SAMD3: variants seen among roughly 807,000 people sequenced by gnomAD.
SAMD3 encodes sterile alpha motif domain containing 3.
A neutral mutation model predicts 58.5 loss-of-function variants in SAMD3; 63 were observed. That is an observed-to-expected ratio of 1.08 (90% CI 0.88 to 1.33). The LOEUF is 1.33. Among genes scored for constraint, SAMD3 ranks in the 40% most tolerant of loss-of-function variants. The pLI, the probability that SAMD3 is intolerant of heterozygous loss-of-function variation, is 0.00. For missense variants in SAMD3, 604 were observed against 608.4 expected (o/e 0.99, Z 0.08); for synonymous variants, 220 against 210.3 (o/e 1.05, Z -0.40).
chr6:130,269,276 C>A (rs6907836), intron 2 of SAMD3, among the ~76,000 whole-genome samples: 47,256 of 151,966 alleles, frequency 0.31, 7,721 homozygotes, highest in East Asian at 0.47. Context: ...TATTCATGGG[C>A]ATATTTCTAG....
At chr6:130,301,068 C>A (rs896589046) in intron 2 of SAMD3, among the ~76,000 whole-genome samples, 2 of 152,062 alleles carry the variant, frequency 1.3e-5, no homozygotes, top group African/African-American at 4.8e-5. Flanking sequence ...GAACATGCGG[C>A]GTTTGGTTTT....
chr6:130,210,467 C>T (rs1795442202), intron 4 of SAMD3, among the ~76,000 whole-genome samples: 2 of 152,058 alleles, frequency 1.3e-5, no homozygotes, highest in South Asian at 4.2e-4. Flanking sequence ...GACATGGTGG[C>T]AGGTGCCTGT....
intron 2 of SAMD3, among the ~76,000 whole-genome samples, chr6:130,291,762 T>C (rs1775369691): frequency 6.6e-6 from 1 of 152,232 alleles, no homozygotes; most frequent in East Asian, 1.9e-4. Flanking sequence ...GACATAAGTG[T>C]ATATTTAATA....
chr6:130,301,917 C>T (rs1775761184), intron 2 of SAMD3, among the ~76,000 whole-genome samples: 1 of 152,038 alleles, frequency 6.6e-6, no homozygotes, highest in African/African-American at 2.4e-5. Context: ...GAAACTGGAC[C>T]CCCACCTCTC....
intron 2 of SAMD3, among the ~76,000 whole-genome samples, chr6:130,233,291 G>T (rs1026296004): frequency 6.6e-6 from 1 of 152,154 alleles, no homozygotes; most frequent in African/African-American, 2.4e-5. Flanking sequence ...TGGGATACAT[G>T]TGCAGGATGT....
At chr6:130,174,928 T>TCCTA (rs1159819943) in intron 8 of SAMD3, among the ~76,000 whole-genome samples, 1 of 152,238 alleles carries the variant, frequency 6.6e-6, no homozygotes, top group Admixed American at 6.5e-5. Flanking sequence ...AATATTCCTA[T>TCCTA]CCTATGGATC....
At chr6:130,356,164 G>C (rs1777821005) in intron 1 of SAMD3, among the ~76,000 whole-genome samples, 1 of 152,068 alleles carries the variant, frequency 6.6e-6, no homozygotes, top group Non-Finnish European at 1.5e-5. Flanking sequence ...ATCAAAACCT[G>C]AGTCCTACAA....
rs535387458 is a variant in SAMD3, at chr6:130,359,204, T to G, written c.-304+5916A>C. On this transcript the variant is annotated intron_variant, in intron 1 of 13. Coordinates refer to the SAMD3 transcript ENST00000368134. ...TACTGTATAATAATTTTATATGATA[T>G]TTTTATCACTATATACAATACTAAA... 3.9e-5 allele frequency among the ~76,000 whole-genome samples: 6 copies of G among 152,352 alleles called. No homozygotes were observed. In the South Asian group the frequency reaches 1.2e-3, roughly 32 times the overall value.
In SAMD3 at chr6:130,144,721, C is replaced by G; in HGVS notation, c.1362G>C (p.Glu454Asp). The change falls in exon 12 of 12, where the codon GAG (glutamate) becomes GAC (aspartate). Residue 454 changes from glutamate to aspartate, a missense_variant. By Grantham distance (45) the Glu-to-Asp change is conservative. Transcript: ENST00000439090. ...CACAGTCGTCCACCTTTGTGAGCCT[C>G]TCCCTTTCTAAATATAAAGAAAATT... ...VCEFSLYLER[E>D]RLTKVDDCVT... 2 of 1,614,098 alleles carry G rather than the reference C, an allele frequency of 1.2e-6. No individual in the cohort carries two copies. Among genetic ancestry groups the G allele is most frequent in the Non-Finnish European group, 1.7e-6 (2 of 1,179,994 alleles).
rs540864488 is a variant in SAMD3 at position 130,348,046 on chromosome 6, C to G, written c.-304+17074G>C. Among the ~76,000 whole-genome samples, 133 of 152,258 alleles carry G rather than the reference C, an allele frequency of 8.7e-4. 1 individual carries two copies. The highest frequency in any genetic ancestry group is 8.7e-3 in the South Asian group (42 of 4,824). On this transcript the variant is annotated intron_variant, in intron 1 of 13. Transcript: ENST00000368134. ...AAATGCTGAGAGATTTTGTCACCAC[C>G]AGGCCTGCCTTACAAGAGCTCCTGA...
chr6:130,269,647 AT>A (rs201034034), intron 2 of SAMD3, among the ~76,000 whole-genome samples: 2 of 150,482 alleles, frequency 1.3e-5, no homozygotes, highest in Admixed American at 1.3e-4. Flanking sequence ...AATTTTATTG[AT>A]TTTTTTTCAA....
intron 1 of SAMD3, among the ~76,000 whole-genome samples, chr6:130,343,977 A>ACAAAC (rs10690825): frequency 1.4e-3 from 202 of 149,114 alleles, no homozygotes; most frequent in African/African-American, 3.8e-3. Flanking sequence ...AAACAAACAA[A>ACAAAC]AAAAAAAGGG....
chr6:130,153,647 C>CATATATATATATAATATATATAT (rs1789422442), intron 9 of SAMD3, among the ~76,000 whole-genome samples: 2 of 96,702 alleles, frequency 2.1e-5, no homozygotes, highest in African/African-American at 3.2e-5. Context: ...CATTAAATTT[C>CATATATATATATAATATATATAT]ATATATATAT....
intron 1 of SAMD3, among the ~76,000 whole-genome samples, chr6:130,318,019 A>T (rs1358707794): frequency 6.6e-6 from 1 of 152,196 alleles, no homozygotes; most frequent in Non-Finnish European, 1.5e-5. Flanking sequence ...ACCTGTAGGG[A>T]GTCTTTAAGT....
At chr6:130,196,883 A>G (rs992639346) in intron 5 of SAMD3, among the ~76,000 whole-genome samples, 61 of 152,324 alleles carry the variant, frequency 4.0e-4, no homozygotes, top group African/African-American at 1.4e-3. Context: ...CCCTTCTGTC[A>G]GACATAATTC....
chr6:130,225,947 T>C (rs553101440), upstream of SAMD3, among the ~76,000 whole-genome samples: 1 of 152,368 alleles, frequency 6.6e-6, no homozygotes, highest in East Asian at 1.9e-4. Flanking sequence ...GGCTCCATTG[T>C]CTTCTGATCA....
chr6:130,238,212 CA>C, intron 2 of SAMD3, among the ~76,000 whole-genome samples: 1 of 152,098 alleles, frequency 6.6e-6, no homozygotes, highest in South Asian at 2.1e-4. Flanking sequence ...TGCACAGAGG[CA>C]AAAACCCAAT....
intron 2 of SAMD3, among the ~76,000 whole-genome samples, chr6:130,264,962 C>T (rs990683072): frequency 2.0e-5 from 3 of 152,202 alleles, no homozygotes; most frequent in African/African-American, 7.2e-5. Context: ...AAGGCTGGCC[C>T]CCATGTCTAA....
intron 8 of SAMD3, among the ~76,000 whole-genome samples, chr6:130,165,504 C>T (rs779293872): frequency 1.8e-4 from 28 of 152,104 alleles, no homozygotes; most frequent in Non-Finnish European, 3.4e-4. Context: ...AAATTATTTT[C>T]ACCAAATATC....
Sources: allele counts gnomAD v4.1 joint callset (sites outside exome capture counted in the v4.1 genomes callset), GRCh38; gene constraint gnomAD v4.1.1; transcripts MANE v1.5; gene names NCBI Gene and HGNC (gene_info 2026-07-23, HGNC 2026-07-21).